SMAD3: variants seen among roughly 807,000 people sequenced by gnomAD.
The protein encoded by SMAD3 is SMAD family member 3, also known as MAD homolog 3.
In SMAD3, 12 loss-of-function variants were observed where a neutral mutation model predicts 51.8. The observed-to-expected ratio is 0.23, with a 90% confidence interval of 0.15 to 0.38. SMAD3 has a LOEUF of 0.38. SMAD3 is among the 10% of genes least tolerant of loss of function. SMAD3 has a pLI of 1.00. For synonymous variants in SMAD3, 238 were observed against 227.7 expected, an observed-to-expected ratio of 1.05 and a Z score of -0.41; for missense variants, 294 against 565.6, an observed-to-expected ratio of 0.52 and a Z score of 4.87.
At chr15:67,109,617 A>G (rs748249856) in intron 1 of SMAD3, among the ~76,000 whole-genome samples, 6 of 152,224 alleles carry the variant, frequency 3.9e-5, no homozygotes, top group African/African-American at 2.4e-5. Flanking sequence ...GCCAAGAGCC[A>G]TGGAATAATT....
intron 5 of SMAD3, among the ~76,000 whole-genome samples, chr15:67,176,843 GGA>G (rs1158721096): frequency 6.6e-6 from 1 of 152,196 alleles, no homozygotes; most frequent in Non-Finnish European, 1.5e-5. Context: ...CTCTGCACTG[GGA>G]GGAGAGATTA....
intron 1 of SMAD3, among the ~76,000 whole-genome samples, chr15:67,103,268 C>T (rs146782448): frequency 3.9e-5 from 6 of 152,302 alleles, no homozygotes; most frequent in African/African-American, 9.6e-5. Context: ...AAAAGCTACA[C>T]ACTTGAACCT....
intron 1 of SMAD3, among the ~76,000 whole-genome samples, chr15:67,150,213 T>C (rs1962091691): frequency 6.6e-6 from 1 of 152,196 alleles, no homozygotes. Flanking sequence ...CCGTTGCATG[T>C]TATGCAGCAC....
chr15:67,157,463 C>T (rs1962314096), intron 1 of SMAD3, among the ~76,000 whole-genome samples: 1 of 152,350 alleles, frequency 6.6e-6, no homozygotes, highest in African/African-American at 2.4e-5. Context: ...TGACCTTGGG[C>T]AAGCCTCCTG....
At chr15:67,188,139 T>G (rs962623423) in intron 8 of SMAD3, among the ~76,000 whole-genome samples, 15 of 132,672 alleles carry the variant, frequency 1.1e-4, no homozygotes, top group Non-Finnish European at 1.4e-4. Context: ...CTGGTTTCTT[T>G]TTCTTTTTCT....
chr15:67,093,129 G>T (rs1336651453), intron 1 of SMAD3, among the ~76,000 whole-genome samples: 1 of 152,138 alleles, frequency 6.6e-6, no homozygotes, highest in Non-Finnish European at 1.5e-5. Context: ...CTCATGTCTA[G>T]CCACTTGTTA....
rs1001914471 is a variant in SMAD3 at position 67,098,875 on chromosome 15, TG to T, written c.206+32518del. On this transcript the variant is annotated intron_variant, in intron 1 of 8. Transcript: ENST00000327367. ...GGGACGGTGGGAGGGCATACATGGA[TG>T]GGAGGGTGGACTCCGTTCCTGAGGG... 1.8e-4 allele frequency: 124 copies of T among 701,720 alleles called. No individual in the cohort carries two copies. The African/African-American group carries it at 2.1e-3, about 12-fold the overall frequency. The allele number at this position is 701,720 out of a possible 1,614,324, so 43.5% of individuals were successfully genotyped here. A position where few individuals can be genotyped will look rare whatever the true frequency, so the allele number is the denominator to read the frequency against.
intron 1 of SMAD3, among the ~76,000 whole-genome samples, chr15:67,127,418 A>G (rs1961416976): frequency 6.6e-6 from 1 of 152,184 alleles, no homozygotes; most frequent in Non-Finnish European, 1.5e-5. Flanking sequence ...CACCTCCTCC[A>G]GGAAGCATTC....
chr15:67,188,230 A>C (rs1347692701), intron 8 of SMAD3, among the ~76,000 whole-genome samples: 1 of 145,350 alleles, frequency 6.9e-6, no homozygotes, highest in East Asian at 2.0e-4. Flanking sequence ...GGCTTACTGC[A>C]ATCTCTGCCT....
In SMAD3 at chr15:67,190,602, TG is replaced by T. The variant is rs1963337696; in HGVS notation, c.*68del. On this transcript the variant is annotated 3_prime_UTR_variant, in exon 9 of 9. Coordinates refer to ENST00000327367, the MANE Select transcript of SMAD3 (RefSeq NM_005902.4). The stretch of plus-strand genomic sequence containing the variant: ...TGGCCATGCAGGAGGTGGAGAAAAT[TG>T]GAACTCTACTCAACCCATTGTTGTC... The T allele has an allele frequency of 6.5e-7, 1 of 1,534,778 alleles. No homozygotes were observed.
At chr15:67,164,752 G>T in intron 1 of SMAD3, 143 bp from the exon 2 acceptor site, 1 of 882,638 alleles carries the variant, frequency 1.1e-6, no homozygotes, top group Non-Finnish European at 1.9e-6. Context: ...AGCTAGCAGT[G>T]CTCTGATCTC....
At chr15:67,177,355 C>A (rs1225278751) in intron 5 of SMAD3, among the ~76,000 whole-genome samples, 1 of 150,788 alleles carries the variant, frequency 6.6e-6, no homozygotes, top group Non-Finnish European at 1.5e-5. Flanking sequence ...CTTTTTGTTT[C>A]TCTGGTACTA....
chr15:67,067,175 C>T (rs1185219146), intron 1 of SMAD3, among the ~76,000 whole-genome samples: 1 of 152,122 alleles, frequency 6.6e-6, no homozygotes, highest in Non-Finnish European at 1.5e-5. Context: ...AAACACACCC[C>T]AAAGTGGGCC....
chr15:67,130,694 G>T (rs1190651700), intron 1 of SMAD3, among the ~76,000 whole-genome samples: 1 of 152,220 alleles, frequency 6.6e-6, no homozygotes, highest in African/African-American at 2.4e-5. Context: ...CAAGGAAAGT[G>T]CCAGGGGACA....
intron 1 of SMAD3, among the ~76,000 whole-genome samples, chr15:67,161,539 A>G (rs1042141889): frequency 2.6e-5 from 4 of 152,046 alleles, no homozygotes; most frequent in Admixed American, 6.6e-5. Context: ...GTTTTGTCAA[A>G]CACCGAAGAG....
At chr15:67,117,371 G>A (rs1474473442) in intron 1 of SMAD3, among the ~76,000 whole-genome samples, 1 of 152,164 alleles carries the variant, frequency 6.6e-6, no homozygotes, top group Non-Finnish European at 1.5e-5. Flanking sequence ...CGGTAGAAGA[G>A]AGCTGTTTGT....
At chr15:67,098,691 G>C in intron 1 of SMAD3, 1 of 568,860 alleles carries the variant, frequency 1.8e-6, no homozygotes, top group South Asian at 2.2e-5. Context: ...AACAAGCTTC[G>C]GGAGTTGGGA....
intron 1 of SMAD3, among the ~76,000 whole-genome samples, chr15:67,066,747 C>G (rs1959930453): frequency 6.6e-6 from 1 of 152,172 alleles, no homozygotes; most frequent in African/African-American, 2.4e-5. Context: ...GCCGCCGCCT[C>G]CCGCCCCCGC....
At chr15:67,133,673 G>A (rs538774894) in intron 1 of SMAD3, among the ~76,000 whole-genome samples, 1 of 152,318 alleles carries the variant, frequency 6.6e-6, no homozygotes, top group South Asian at 2.1e-4. Context: ...GCAGATGGGG[G>A]AATGGAACCA....
Sources: gnomAD v4.1 joint callset for allele counts (sites outside exome capture counted in the v4.1 genomes callset) on GRCh38, gnomAD v4.1.1 for gene constraint, MANE v1.5 for transcripts, NCBI Gene and HGNC (gene_info 2026-07-23, HGNC 2026-07-21) for gene names.